Variants in TTC19 observed in about 807,000 individuals in gnomAD.
The protein encoded by TTC19 is tetratricopeptide repeat domain 19.
A neutral mutation model predicts 49.5 loss-of-function variants in TTC19; 38 were observed. The observed-to-expected ratio is 0.77, with a 90% CI of 0.59 to 1.01. TTC19 has a LOEUF of 1.01. Ranked by LOEUF, TTC19 falls within the 50% of genes least tolerant of loss-of-function variation. The pLI, the probability that TTC19 is intolerant of heterozygous loss-of-function variation, is 0.00. For missense variants in TTC19, 475 were observed against 477.7 expected, an observed-to-expected ratio of 0.99 and a Z score of 0.05; for synonymous variants, 204 against 185.2, an observed-to-expected ratio of 1.10 and a Z score of -0.83.
At chr17:16,003,970 C>T (rs1970819155) in intron 5 of TTC19, 83 bp downstream of exon 5, 2 of 1,450,974 alleles carry the variant, frequency 1.4e-6, no homozygotes, top group Non-Finnish European at 1.9e-6. Flanking sequence ...CCTAGCCCCA[C>T]CACATGCTTT....
chr17:16,026,035 A>G (rs1218441384), intron 8 of TTC19, among the ~76,000 whole-genome samples: 3 of 152,154 alleles, frequency 2.0e-5, no homozygotes, highest in Non-Finnish European at 4.4e-5. Context: ...TACCTCTTCC[A>G]TACTGAAATT....
intron 6 of TTC19, 26 bp from the exon 7 acceptor site, chr17:16,006,448 G>C (rs1333816347): frequency 6.8e-7 from 1 of 1,480,356 alleles, no homozygotes; most frequent in Non-Finnish European, 9.4e-7. Context: ...AAAGGTAAAT[G>C]GCTGATTATT....
At chr17:16,037,377 C>G (rs1032939876) in intron 2 of TTC19, among the ~76,000 whole-genome samples, 1 of 151,970 alleles carries the variant, frequency 6.6e-6, no homozygotes, top group Non-Finnish European at 1.5e-5. Flanking sequence ...TGCTGATAGA[C>G]TTGCTTGACA....
intron 7 of TTC19, among the ~76,000 whole-genome samples, chr17:16,012,145 T>G (rs541656739): frequency 6.9e-4 from 105 of 151,288 alleles, no homozygotes; most frequent in Middle Eastern, 3.4e-3. Context: ...TAGAGTGGGG[T>G]TTTTTTTTCT....
chr17:16,024,208 A>G (rs981056932), intron 7 of TTC19: 14 of 151,996 alleles, frequency 9.2e-5, no homozygotes, highest in African/African-American at 3.1e-4. Flanking sequence ...TCAATTCTTG[A>G]ATGTGTTGAG....
exon 3 of TTC19, chr17:16,044,808 T>C (rs2058385532): frequency 1.8e-6 from 2 of 1,101,022 alleles, no homozygotes; most frequent in African/African-American, 1.5e-5. Flanking sequence ...ATCTACAATG[T>C]AGGGGCTGGT....
intron 2 of TTC19, among the ~76,000 whole-genome samples, chr17:16,042,363 G>T (rs1167790012): frequency 2.6e-5 from 4 of 152,110 alleles, no homozygotes; most frequent in African/African-American, 4.8e-5. Flanking sequence ...TTACCTTATT[G>T]ATCAAAAATG....
chr17:16,040,467 A>C, intron 2 of TTC19: 1 of 1,613,828 alleles, frequency 6.2e-7, no homozygotes, highest in South Asian at 1.1e-5. Flanking sequence ...TGGCAGATTA[A>C]AGATCTCAGT....
At chr17:16,023,952 C>A (rs1297606937) in intron 7 of TTC19, 2 of 152,212 alleles carry the variant, frequency 1.3e-5, no homozygotes, top group African/African-American at 2.4e-5. Flanking sequence ...ATAAACCCAA[C>A]TGAACCTAAG....
Position 16,027,999 on chromosome 17 carries a change from T to C in TTC19, c.*477T>C, listed in dbSNP as rs1403374139. On this transcript the variant is annotated 3_prime_UTR_variant, in exon 10 of 10. Coordinates refer to ENST00000261647, the MANE Select transcript of TTC19 (RefSeq NM_017775.4). ...TTATGGTGAATTGTTGTTCTTATAGTCTGTTTCATGAAGCACAAGTGGAAT... is the reference window on the plus strand; with the variant it reads ...TTATGGTGAATTGTTGTTCTTATAGCCTGTTTCATGAAGCACAAGTGGAAT... 2.2e-6 allele frequency: 1 copy of C among 454,088 alleles called. No individual in the cohort carries two copies. 28.1% of individuals were successfully genotyped at this position (454,088 alleles called of 1,614,324 possible).
chr17:16,017,754 T>C (rs1971259520), intron 7 of TTC19, among the ~76,000 whole-genome samples: 1 of 152,138 alleles, frequency 6.6e-6, no homozygotes, highest in Admixed American at 6.5e-5. Context: ...AGAGCGAAAC[T>C]CCATCTCAAA....
At chr17:16,001,874 CTATA>C in intron 2 of TTC19, 37 bp from the exon 3 acceptor site, 1 of 1,392,970 alleles carries the variant, frequency 7.2e-7, no homozygotes, top group Non-Finnish European at 1.0e-6. Flanking sequence ...TATGCATCTA[CTATA>C]TGTTTCATTT....
rs1209251364 is a variant in TTC19 at position 16,027,540 on chromosome 17, G to A, written c.*18G>A. On this transcript the variant is annotated 3_prime_UTR_variant, in exon 10 of 10. Coordinates refer to ENST00000261647, the MANE Select transcript of TTC19 (RefSeq NM_017775.4). ...AGCTCTAAATCCATTTTTGTGTAGGGAGAATAATGTCTAGTAATGTGGAAG... is the reference window on the plus strand; with the variant it reads ...AGCTCTAAATCCATTTTTGTGTAGGAAGAATAATGTCTAGTAATGTGGAAG... 35 of 1,613,260 alleles carry A rather than the reference G, an allele frequency of 2.2e-5. No homozygotes were observed. Among genetic ancestry groups the A allele is most frequent in the Non-Finnish European group, 2.8e-5 (33 of 1,179,572 alleles).
chr17:16,032,518 A>G (rs369228766), downstream of TTC19: 2 of 1,533,000 alleles, frequency 1.3e-6, no homozygotes, highest in Non-Finnish European at 1.8e-6. Context: ...CATTGTCATG[A>G]ACATAACTGG....
intron 2 of TTC19, 28 bp from the exon 3 acceptor site, chr17:16,001,887 T>G: frequency 6.6e-7 from 1 of 1,515,378 alleles, no homozygotes; most frequent in East Asian, 2.3e-5. Context: ...TATGTTTCAT[T>G]TTCTATTATT....
chr17:16,028,318 G>A lies in TTC19; in HGVS notation c.*796G>A, dbSNP rs1479193775. 4.4e-6 allele frequency: 2 copies of A among 453,970 alleles called. No individual in the cohort carries two copies. Among genetic ancestry groups the A allele is most frequent in the Non-Finnish European group, 8.8e-6 (2 of 226,784 alleles). 28.1% of individuals were successfully genotyped at this position (453,970 alleles called of 1,614,324 possible). ...GGACACACAGCCCAGGCTGTTCTGA[G>A]TCAGAATAGGCCCCTACAGGTATAT... On this transcript the variant is annotated 3_prime_UTR_variant, in exon 10 of 10. Transcript: ENST00000261647.
chr17:16,031,363 G>A (rs1318245241), downstream of TTC19: 1 of 189,292 alleles, frequency 5.3e-6, no homozygotes, highest in Non-Finnish European at 1.1e-5. Flanking sequence ...TTTGGAACCT[G>A]AGACACCAGG....
chr17:16,043,113 CAA>C (rs2058042274), intron 2 of TTC19, among the ~76,000 whole-genome samples: 1 of 152,120 alleles, frequency 6.6e-6, no homozygotes, highest in Non-Finnish European at 1.5e-5. Flanking sequence ...ATCAGAAAGC[CAA>C]GAGAGGAAAG....
intron 7 of TTC19, chr17:16,023,590 TGTTG>T (rs550557183): frequency 3.0e-4 from 45 of 152,348 alleles, no homozygotes; most frequent in African/African-American, 1.0e-3. Context: ...CTCGAATAGT[TGTTG>T]GTTGAAGATT....
Sources: gnomAD v4.1 joint callset for allele counts (sites outside exome capture counted in the v4.1 genomes callset) on GRCh38, gnomAD v4.1.1 for gene constraint, MANE v1.5 for transcripts, NCBI Gene and HGNC (gene_info 2026-07-23, HGNC 2026-07-21) for gene names.